Variants in RERG observed in about 807,000 individuals in gnomAD.
RERG encodes the protein ras-related and estrogen-regulated growth inhibitor.
Under a neutral mutation model 23.2 loss-of-function variants are expected in RERG, and 25 were observed. The observed-to-expected ratio is 1.08, with a 90% CI of 0.79 to 1.50. The LOEUF (loss-of-function observed/expected upper bound fraction) is 1.50, where lower values mean the gene tolerates loss of function less well. Among genes scored for constraint, RERG ranks in the 40% most tolerant of loss-of-function variants. The probability of loss-of-function intolerance (pLI) is 0.00; values close to 1 mark genes in which losing one functional copy is unlikely to be tolerated. For synonymous variants in RERG, 81 were observed against 89.1 expected, an observed-to-expected ratio of 0.91 and a Z score of 0.51; for missense variants, 253 against 250.1, an observed-to-expected ratio of 1.01 and a Z score of -0.08.
rs193258270 is a variant in RERG, at chr12:15,108,461, T to C, written c.*649A>G. 1 of 152,712 alleles carries C rather than the reference T, an allele frequency of 6.5e-6. No homozygotes were observed. The allele number at this position is 152,712 out of a possible 1,614,324, so 9.5% of individuals were successfully genotyped here. A position where few individuals can be genotyped will look rare whatever the true frequency, so the allele number is the denominator to read the frequency against. On this transcript the variant is annotated 3_prime_UTR_variant, in exon 5 of 5. Transcript: ENST00000256953. ...TGCCTTTGTTATAGGGAAAATATTG[T>C]TTGAGCCAAGGAAGGAGAGTTAGGG...
intron 2 of RERG, among the ~76,000 whole-genome samples, chr12:15,211,406 T>C (rs1865364672): frequency 6.6e-6 from 1 of 151,736 alleles, no homozygotes; most frequent in South Asian, 2.1e-4. Flanking sequence ...GAGGAAATGA[T>C]GCTAAGTGAA....
At chr12:15,114,504 C>T (rs1170788075) in intron 3 of RERG, 10 of 152,052 alleles carry the variant, frequency 6.6e-5, no homozygotes, top group Non-Finnish European at 1.5e-4. Flanking sequence ...TGCTTACTTA[C>T]CAGAGAGAAG....
chr12:15,160,520 C>T (rs1435422730), intron 2 of RERG, among the ~76,000 whole-genome samples: 2 of 152,136 alleles, frequency 1.3e-5, no homozygotes, highest in African/African-American at 2.4e-5. Flanking sequence ...ATTTGTTAAC[C>T]TTTCAATCTC....
chr12:15,214,690 G>A (rs1427546746), intron 2 of RERG, among the ~76,000 whole-genome samples: 1 of 152,124 alleles, frequency 6.6e-6, no homozygotes, highest in Non-Finnish European at 1.5e-5. Flanking sequence ...TTTCAAAATT[G>A]TTGCATATGA....
intron 2 of RERG, among the ~76,000 whole-genome samples, chr12:15,136,578 C>A (rs945174215): frequency 1.3e-5 from 2 of 151,932 alleles, no homozygotes; most frequent in African/African-American, 4.8e-5. Context: ...CTGTATGACA[C>A]AAATTTTGAT....
intron 2 of RERG, among the ~76,000 whole-genome samples, chr12:15,180,451 C>A (rs760360504): frequency 4.6e-5 from 7 of 152,054 alleles, no homozygotes; most frequent in Non-Finnish European, 7.4e-5. Context: ...CTGGCAATGG[C>A]TCTGACATGA....
chr12:15,124,202 A>G (rs1863893719), intron 2 of RERG, among the ~76,000 whole-genome samples: 1 of 152,172 alleles, frequency 6.6e-6, no homozygotes, highest in African/African-American at 2.4e-5. Flanking sequence ...GCTAAAAGGT[A>G]AAACCACTAC....
At chr12:15,209,327 C>T (rs1865335720) in intron 2 of RERG, among the ~76,000 whole-genome samples, 1 of 152,062 alleles carries the variant, frequency 6.6e-6, no homozygotes, top group Admixed American at 6.6e-5. Context: ...GAAAAAAGAA[C>T]AATTGAATCC....
At chr12:15,153,402 AACAGGGCCCTAG>A (rs1370845478) in intron 2 of RERG, among the ~76,000 whole-genome samples, 2 of 152,198 alleles carry the variant, frequency 1.3e-5, no homozygotes. Flanking sequence ...TTTCTTAAAT[AACAGGGCCCTAG>A]ACATGCACTT....
intron 2 of RERG, among the ~76,000 whole-genome samples, chr12:15,152,280 C>G (rs1864455924): frequency 6.6e-6 from 1 of 152,168 alleles, no homozygotes; most frequent in African/African-American, 2.4e-5. Flanking sequence ...TTTCATATTT[C>G]TGGCTGTCCT....
intron 2 of RERG, among the ~76,000 whole-genome samples, chr12:15,195,437 T>G (rs557410948): frequency 1.3e-5 from 2 of 152,270 alleles, no homozygotes; most frequent in East Asian, 3.9e-4. Context: ...CCCACTCATT[T>G]TCCTCTTGCT....
chr12:15,164,077 A>T (rs1467962401), intron 2 of RERG, among the ~76,000 whole-genome samples: 1 of 152,234 alleles, frequency 6.6e-6, no homozygotes, highest in African/African-American at 2.4e-5. Context: ...CAAAGCAGGG[A>T]AAGAGCAAGA....
At chr12:15,127,923 A>G (rs1863976176) in intron 2 of RERG, among the ~76,000 whole-genome samples, 2 of 152,312 alleles carry the variant, frequency 1.3e-5, no homozygotes, top group Non-Finnish European at 1.5e-5. Flanking sequence ...TAATGTTCCC[A>G]CTATACAGAT....
chr12:15,109,867 T>C (rs1026901119), intron 4 of RERG, among the ~76,000 whole-genome samples: 1 of 152,234 alleles, frequency 6.6e-6, no homozygotes, highest in Non-Finnish European at 1.5e-5. Context: ...ATTAAGGACT[T>C]AGCAATTTTC....
intron 4 of RERG, among the ~76,000 whole-genome samples, chr12:15,110,767 C>T (rs575393033): frequency 2.2e-4 from 33 of 152,160 alleles, no homozygotes; most frequent in Middle Eastern, 3.4e-3. Context: ...TGTGAGCCAC[C>T]GTGCCCAGCC....
At chr12:15,218,972 C>A (rs1256955843) in intron 1 of RERG, among the ~76,000 whole-genome samples, 2 of 152,078 alleles carry the variant, frequency 1.3e-5, no homozygotes, top group African/African-American at 4.8e-5. Flanking sequence ...CGTTAATCTG[C>A]CCACCATGGT....
intron 2 of RERG, among the ~76,000 whole-genome samples, chr12:15,161,030 G>T (rs917668185): frequency 6.6e-6 from 1 of 151,962 alleles, no homozygotes; most frequent in African/African-American, 2.4e-5. Context: ...AGCTACCCGG[G>T]AGGTTGAGGC....
intron 3 of RERG, among the ~76,000 whole-genome samples, chr12:15,117,675 G>GCGCGCGCGCACACACACACA (rs1555119493): frequency 6.9e-6 from 1 of 145,020 alleles, no homozygotes; most frequent in African/African-American, 2.8e-5. Context: ...TCACACACGC[G>GCGCGCGCGCACACACACACA]CACACACACA....
intron 1 of RERG, among the ~76,000 whole-genome samples, chr12:15,220,924 A>G (rs1400789526): frequency 2.0e-5 from 3 of 152,200 alleles, no homozygotes; most frequent in Non-Finnish European, 4.4e-5. Context: ...AGAATAAACA[A>G]ATCCATTGTG....
Sources: allele counts gnomAD v4.1 joint callset (sites outside exome capture counted in the v4.1 genomes callset), GRCh38; gene constraint gnomAD v4.1.1; transcripts MANE v1.5; gene names NCBI Gene and HGNC (gene_info 2026-07-23, HGNC 2026-07-21).